Variants in CDH8 observed in about 807,000 individuals in gnomAD.
CDH8 encodes the protein cadherin 8.
A neutral mutation model predicts 68.1 loss-of-function variants in CDH8; 17 were observed. That is an observed-to-expected ratio of 0.25 (90% confidence interval 0.17 to 0.37). CDH8 has a LOEUF of 0.37. Ranked by LOEUF, CDH8 falls within the 10% of genes least tolerant of loss-of-function variation. CDH8 has a pLI of 1.00. For missense variants in CDH8, 763 were observed against 999.3 expected, an observed-to-expected ratio of 0.76 and a Z score of 3.19; for synonymous variants, 372 against 365.1, an observed-to-expected ratio of 1.02 and a Z score of -0.21.
chr16:61,878,512 A>G (rs1233910247), intron 3 of CDH8, among the ~76,000 whole-genome samples: 1 of 152,192 alleles, frequency 6.6e-6, no homozygotes, highest in Non-Finnish European at 1.5e-5. Context: ...AGTTAGTAAA[A>G]GCAAAACAAA....
intron 2 of CDH8, among the ~76,000 whole-genome samples, chr16:61,907,878 A>T (rs750717046): frequency 6.6e-5 from 10 of 151,720 alleles, no homozygotes; most frequent in Non-Finnish European, 1.3e-4. Flanking sequence ...CCCTGTCTCT[A>T]CTAAAATACA....
At chr16:61,735,205 T>A (rs1200870780) in intron 8 of CDH8, among the ~76,000 whole-genome samples, 1 of 152,106 alleles carries the variant, frequency 6.6e-6, no homozygotes, top group Non-Finnish European at 1.5e-5. Context: ...TAGACCGTTT[T>A]CCAAATGTGA....
chr16:61,836,543 C>G (rs748666367), intron 4 of CDH8, among the ~76,000 whole-genome samples: 10 of 151,992 alleles, frequency 6.6e-5, no homozygotes, highest in Non-Finnish European at 1.3e-4. Context: ...TCTGACTGCA[C>G]AAAGCTGTAA....
intron 2 of CDH8, among the ~76,000 whole-genome samples, chr16:61,944,120 G>T (rs146396440): frequency 6.6e-6 from 1 of 152,196 alleles, no homozygotes; most frequent in African/African-American, 2.4e-5. Flanking sequence ...AACCATGGAG[G>T]CTTGGAGAGC....
intron 4 of CDH8, among the ~76,000 whole-genome samples, chr16:61,856,706 C>G (rs1963053923): frequency 1.3e-5 from 2 of 152,084 alleles, no homozygotes; most frequent in African/African-American, 2.4e-5. Context: ...ATTGTTTTAT[C>G]TGATCTTCTT....
intron 4 of CDH8, among the ~76,000 whole-genome samples, chr16:61,840,396 CT>C (rs1667783911): frequency 6.6e-6 from 1 of 152,188 alleles, no homozygotes; most frequent in African/African-American, 2.4e-5. Context: ...CCATTGAAGT[CT>C]TGGTCCATGT....
At chr16:61,761,996 G>T (rs1165766706) in intron 8 of CDH8, among the ~76,000 whole-genome samples, 1 of 152,016 alleles carries the variant, frequency 6.6e-6, no homozygotes, top group South Asian at 2.1e-4. Flanking sequence ...GCAAGACTTT[G>T]TCTCAAAAAA....
chr16:61,821,481 G>A (rs996415002), intron 5 of CDH8, among the ~76,000 whole-genome samples: 25 of 151,846 alleles, frequency 1.6e-4, no homozygotes, highest in African/African-American at 5.8e-4. Context: ...GGGGATATTC[G>A]TCGTTGCCAA....
chr16:61,996,993 T>TTG (rs5817332), intron 2 of CDH8, among the ~76,000 whole-genome samples: 17 of 150,984 alleles, frequency 1.1e-4, no homozygotes, highest in African/African-American at 2.4e-4. Flanking sequence ...CCACAGAATA[T>TTG]TGTGTGTATG....
chr16:61,845,502 TAAAA>T (rs749345691), intron 4 of CDH8, among the ~76,000 whole-genome samples: 4 of 117,724 alleles, frequency 3.4e-5, no homozygotes, highest in African/African-American at 9.2e-5. Context: ...TCCAGATATG[TAAAA>T]AAAAAAAAAA....
rs976576324 is a variant in CDH8, at chr16:61,650,815, C to G, written c.*2793G>C. The G allele has an allele frequency of 5.9e-5, 9 of 151,710 alleles. No homozygotes were observed. The highest frequency in any genetic ancestry group is 2.2e-4 in the African/African-American group (9 of 41,284). 9.4% of individuals were successfully genotyped at this position (151,710 alleles called of 1,614,324 possible). Reference sequence around the variant, plus strand: ...AAGTATAGGTCAATCTTATTAGGATCAAGGTATTAGTCACTTTATTCTATG... The same window carrying G: ...AAGTATAGGTCAATCTTATTAGGATGAAGGTATTAGTCACTTTATTCTATG... On this transcript the variant is annotated 3_prime_UTR_variant, in exon 12 of 12. Transcript: ENST00000577390.
intron 4 of CDH8, among the ~76,000 whole-genome samples, chr16:61,841,323 C>A (rs1294802528): frequency 1.3e-5 from 2 of 152,056 alleles, no homozygotes; most frequent in African/African-American, 4.8e-5. Context: ...ACATTTCCAC[C>A]AATAATGTAC....
intron 10 of CDH8, among the ~76,000 whole-genome samples, chr16:61,688,746 C>A (rs935463998): frequency 3.3e-5 from 5 of 151,968 alleles, no homozygotes; most frequent in Non-Finnish European, 5.9e-5. Context: ...AAGGGAAACA[C>A]ACCCTATTTA....
chr16:62,027,399 A>T (rs1902220619), intron 1 of CDH8, among the ~76,000 whole-genome samples: 1 of 152,234 alleles, frequency 6.6e-6, no homozygotes, highest in African/African-American at 2.4e-5. Flanking sequence ...GTTCAAAATG[A>T]TGAACAACAC....
At chr16:61,716,555 A>G (rs1567437510) in intron 9 of CDH8, among the ~76,000 whole-genome samples, 1 of 151,712 alleles carries the variant, frequency 6.6e-6, no homozygotes, top group Non-Finnish European at 1.5e-5. Context: ...ACACACAAGT[A>G]TGAGAACCAC....
Position 61,648,947 on chromosome 16 carries a change from A to G in CDH8, c.*4661T>C, listed in dbSNP as rs1963262806. 1 of 152,048 alleles carries G rather than the reference A, an allele frequency of 6.6e-6. No homozygotes were observed. Among genetic ancestry groups the G allele is most frequent in the South Asian group, 2.1e-4 (1 of 4,834 alleles). 9.4% of individuals were successfully genotyped at this position (152,048 alleles called of 1,614,324 possible). On this transcript the variant is annotated 3_prime_UTR_variant, in exon 12 of 12. Transcript: ENST00000577390. Reference sequence around the variant, plus strand: ...ACAATGACAATAAATGTATTTTTAAATGATAGATCATAAAGACATGCTCTT... The same window carrying G: ...ACAATGACAATAAATGTATTTTTAAGTGATAGATCATAAAGACATGCTCTT...
intron 7 of CDH8, among the ~76,000 whole-genome samples, chr16:61,794,294 C>T (rs1020275121): frequency 4.6e-5 from 7 of 151,964 alleles, no homozygotes; most frequent in African/African-American, 1.7e-4. Flanking sequence ...TCACAAAAAA[C>T]ACGGGTCCAC....
intron 2 of CDH8, among the ~76,000 whole-genome samples, chr16:61,973,332 C>G (rs1965377287): frequency 6.6e-6 from 1 of 152,148 alleles, no homozygotes. Context: ...CTGTAGCTTG[C>G]CTTATTGTAA....
At chr16:61,891,547 A>G (rs1963778112) in intron 3 of CDH8, among the ~76,000 whole-genome samples, 1 of 152,156 alleles carries the variant, frequency 6.6e-6, no homozygotes. Context: ...ATTAGAAGCC[A>G]TTGCTTCACT....
Sources: gnomAD v4.1 joint callset for allele counts (sites outside exome capture counted in the v4.1 genomes callset) on GRCh38, gnomAD v4.1.1 for gene constraint, MANE v1.5 for transcripts, NCBI Gene and HGNC (gene_info 2026-07-23, HGNC 2026-07-21) for gene names.